CPB1: variants seen among roughly 807,000 people sequenced by gnomAD.
CPB1 encodes the protein carboxypeptidase B1, also known as carboxypeptidase B.
CPB1 carries 53 observed loss-of-function variants against 51.4 expected under a neutral mutation model. The observed-to-expected ratio is 1.03, with a 90% confidence interval of 0.83 to 1.30. The LOEUF (loss-of-function observed/expected upper bound fraction) is 1.30. CPB1 is among the 50% of genes most tolerant of loss of function. The pLI, the probability that CPB1 is intolerant of heterozygous loss-of-function variation, is 0.00. For synonymous variants in CPB1, 189 were observed against 186.9 expected, an observed-to-expected ratio of 1.01 and a Z score of -0.09; for missense variants, 494 against 516.2, an observed-to-expected ratio of 0.96 and a Z score of 0.42.
chr3:148,846,476 G>T (rs1392319989), intron 9 of CPB1, among the ~76,000 whole-genome samples: 1 of 151,648 alleles, frequency 6.6e-6, no homozygotes, highest in African/African-American at 2.4e-5. Context: ...TTTAGACAAT[G>T]ACATGGATAT....
chr3:148,857,350 C>A, intron 9 of CPB1, 107 bp from the exon 10 acceptor site: 1 of 795,104 alleles, frequency 1.3e-6, no homozygotes. Context: ...ATAATACGAT[C>A]CAAATTGTTA....
chr3:148,828,056 C>G lies in CPB1; in HGVS notation c.126C>G (p.Arg42=). The G allele has an allele frequency of 1.9e-6, 3 of 1,613,850 alleles. 1 individual carries two copies. ...ATGAAAATCACATTAACATAATCCG[C>G]GAGTTGGCCAGCACGACCCAGGTAA... The part of the protein sequence containing the change: ...VEDENHINII[R]ELASTTQIDF... The change falls in exon 2 of 11, where the codon CGC becomes CGG. Residue 42 remains arginine, a synonymous_variant. Transcript: ENST00000282957.
At chr3:148,841,989 A>C in intron 6 of CPB1, 65 bp downstream of exon 6, 5 of 1,200,958 alleles carry the variant, frequency 4.2e-6, no homozygotes, top group Non-Finnish European at 6.1e-6. Context: ...TAATTCCTTA[A>C]AACCTAGAGA....
At chr3:148,850,308 C>CTGTT (rs570470140) in intron 9 of CPB1, among the ~76,000 whole-genome samples, 441 of 151,616 alleles carry the variant, frequency 2.9e-3, no homozygotes, top group African/African-American at 0.01. Context: ...GTTTGTTTGT[C>CTGTT]TGTTTGTTTT....
rs919555630 is a variant in CPB1, at chr3:148,834,737, C to T, written c.272+115C>T. 14 of 954,524 alleles carry T rather than the reference C, an allele frequency of 1.5e-5. No homozygotes were observed. In the African/African-American group the frequency reaches 2.1e-4, roughly 15 times the overall value. The allele number at this position is 954,524 out of a possible 1,614,324, so 59.1% of individuals were successfully genotyped here. ...CCAAGACCAATGCCTTCCCCAGGAC[C>T]CCACAAATAGGTAATGGCAGAGCTG... On this transcript the variant is annotated intron_variant, in intron 3 of 10. Coordinates refer to ENST00000282957, the MANE Select transcript of CPB1 (RefSeq NM_001871.3).
intron 2 of CPB1, 108 bp from the exon 3 acceptor site, chr3:148,834,390 A>G (rs1576567048): frequency 2.8e-6 from 3 of 1,070,956 alleles, no homozygotes; most frequent in South Asian, 2.8e-5. Flanking sequence ...GATTTCATGG[A>G]TGATTTGATT....
Position 148,860,098 on chromosome 3 carries a change from C to T in CPB1, c.*96C>T. 8.3e-7 allele frequency: 1 copy of T among 1,201,638 alleles called. No homozygotes were observed. Among genetic ancestry groups the T allele is most frequent in the Non-Finnish European group, 1.2e-6 (1 of 847,886 alleles). 74.4% of individuals were successfully genotyped at this position (1,201,638 alleles called of 1,614,324 possible). On this transcript the variant is annotated 3_prime_UTR_variant, in exon 11 of 11. Coordinates refer to ENST00000282957, the MANE Select transcript of CPB1 (RefSeq NM_001871.3). The stretch of plus-strand genomic sequence containing the variant: ...GGTTTGCCTGGATGTTTTGCAGATC[C>T]CAATCTTTCTTTTAAGCTTCTGGGT...
Position 148,844,363 on chromosome 3 carries a change from C to T in CPB1, c.577-115C>T. Reference sequence around the variant, plus strand: ...CTTTTTAAATATTAATATTGTCCACCTCAATAGGAAATGCTGCTCTTATTA... The same window carrying T: ...CTTTTTAAATATTAATATTGTCCACTTCAATAGGAAATGCTGCTCTTATTA... On this transcript the variant is annotated intron_variant, in intron 6 of 10. Transcript: ENST00000282957. 7.4e-6 allele frequency: 5 copies of T among 679,414 alleles called. No homozygotes were observed. In the South Asian group the frequency reaches 9.8e-5, roughly 13 times the overall value. 42.1% of individuals were successfully genotyped at this position (679,414 alleles called of 1,614,324 possible). A position where few individuals can be genotyped will look rare whatever the true frequency, so the allele number is the denominator to read the frequency against.
At chr3:148,831,797 A>G (rs1712746742) in intron 2 of CPB1, among the ~76,000 whole-genome samples, 2 of 152,152 alleles carry the variant, frequency 1.3e-5, no homozygotes, top group Non-Finnish European at 2.9e-5. Context: ...ATTTCACTCC[A>G]TGTTTATATT....
chr3:148,839,819 G>A (rs1713024468), intron 3 of CPB1, among the ~76,000 whole-genome samples: 1 of 152,138 alleles, frequency 6.6e-6, no homozygotes, highest in Non-Finnish European at 1.5e-5. Context: ...TTTCTGCAAA[G>A]TGGCCTCTGT....
intron 6 of CPB1, 29 bp downstream of exon 6, chr3:148,841,953 G>T: frequency 1.4e-6 from 2 of 1,444,194 alleles, no homozygotes; most frequent in Non-Finnish European, 1.9e-6. Flanking sequence ...TTTTGGCAAA[G>T]AGAAATGTAT....
chr3:148,842,689 G>C (rs886183210), intron 6 of CPB1, among the ~76,000 whole-genome samples: 2 of 152,164 alleles, frequency 1.3e-5, no homozygotes, highest in Non-Finnish European at 2.9e-5. Flanking sequence ...AAATTAGTGG[G>C]TAAAAGTTTA....
intron 9 of CPB1, among the ~76,000 whole-genome samples, chr3:148,850,668 A>G (rs1385869887): frequency 6.6e-6 from 1 of 152,224 alleles, no homozygotes; most frequent in Admixed American, 6.5e-5. Context: ...ATGCAAGATT[A>G]TAACTAAAGA....
chr3:148,850,281 G>GTT (rs35725267), intron 9 of CPB1, among the ~76,000 whole-genome samples: 4 of 151,378 alleles, frequency 2.6e-5, no homozygotes, highest in Admixed American at 6.6e-5. Context: ...CTTAATTGAA[G>GTT]TTTTTTTTGT....
chr3:148,854,737 A>G (rs1468835056), intron 9 of CPB1: 1 of 152,270 alleles, frequency 6.6e-6, no homozygotes, highest in Non-Finnish European at 1.5e-5. Flanking sequence ...CAAAATGAAT[A>G]GCCAACAATT....
At chr3:148,841,003 A>G (rs768807610) in intron 5 of CPB1, 28 bp downstream of exon 5, 1 of 1,560,450 alleles carries the variant, frequency 6.4e-7, no homozygotes, top group South Asian at 1.1e-5. Context: ...TGACCTTGCC[A>G]TGTCTGAGGG....
At chr3:148,855,833 G>A (rs1398578883) in intron 9 of CPB1, 2 of 152,130 alleles carry the variant, frequency 1.3e-5, no homozygotes, top group Non-Finnish European at 2.9e-5. Flanking sequence ...TAACTAACTG[G>A]AGATTTCCTT....
At chr3:148,841,602 T>C (rs959078033) in intron 5 of CPB1, among the ~76,000 whole-genome samples, 2 of 152,214 alleles carry the variant, frequency 1.3e-5, no homozygotes. Flanking sequence ...TCAAGCTTAA[T>C]AAAAATAATA....
In CPB1 at chr3:148,857,443, T is replaced by C; in HGVS notation, c.982-14T>C. 6.2e-7 allele frequency: 1 copy of C among 1,608,220 alleles called. No individual in the cohort carries two copies. Among genetic ancestry groups the C allele is most frequent in the Non-Finnish European group, 8.5e-7 (1 of 1,174,788 alleles). The stretch of plus-strand genomic sequence containing the variant: ...TTTTATTTATTTCCTTACTTATTCC[T>C]GTTTCTTTTGCAGAATGCCCTGGCT... On this transcript the variant is annotated splice_polypyrimidine_tract_variant and intron_variant, in intron 9 of 10. Transcript: ENST00000282957.
Sources: gnomAD v4.1 joint callset for allele counts (sites outside exome capture counted in the v4.1 genomes callset) on GRCh38, gnomAD v4.1.1 for gene constraint, MANE v1.5 for transcripts, NCBI Gene and HGNC (gene_info 2026-07-23, HGNC 2026-07-21) for gene names.